ROBO2: variants seen among roughly 807,000 people sequenced by gnomAD.
The protein encoded by ROBO2 is roundabout homolog 2.
Under a neutral mutation model 160.8 loss-of-function variants are expected in ROBO2, and 53 were observed. That is an observed-to-expected ratio of 0.33 (90% confidence interval 0.26 to 0.41). ROBO2 has a LOEUF of 0.41. ROBO2 is among the 10% of genes least tolerant of loss of function. ROBO2 has a pLI of 1.00. For synonymous variants in ROBO2, 664 were observed against 611.7 expected, an observed-to-expected ratio of 1.09 and a Z score of -1.26; for missense variants, 1,577 against 1,722.4, an observed-to-expected ratio of 0.92 and a Z score of 1.49.
rs1210263724 is a variant in ROBO2, at chr3:77,277,173, T to TTTCTTTC, written c.388+178836_388+178842dup. On this transcript the variant is annotated intron_variant, in intron 2 of 25. Transcript: ENST00000461745. ...CCTTCTTTCCTTCTTTCTTTCTTTC[T>TTTCTTTC]TTCTTTCTTTCTTTCTTTCTTTCTT... Among the ~76,000 whole-genome samples, 373 of 96,936 alleles carry TTTCTTTC rather than the reference T, an allele frequency of 3.8e-3. 2 individuals are homozygous for TTTCTTTC. Among genetic ancestry groups the TTTCTTTC allele is most frequent in the African/African-American group, 0.014 (279 of 20,642 alleles). 63.6% of individuals were successfully genotyped at this position (96,936 alleles called of 152,430 possible).
chr3:76,434,871 G>T, intron 2 of ROBO2: 3 of 1,585,870 alleles, frequency 1.9e-6, no homozygotes, highest in Admixed American at 3.3e-5. Flanking sequence ...GGCTCAGAGT[G>T]GTCCAGTATG....
intron 2 of ROBO2, among the ~76,000 whole-genome samples, chr3:77,144,501 A>T (rs528710934): frequency 5.0e-4 from 76 of 152,240 alleles, no homozygotes; most frequent in Non-Finnish European, 8.7e-4. Flanking sequence ...TTAAAATAAT[A>T]CATTTTGATT....
chr3:77,051,216 G>T (rs1171602672), intron 1 of ROBO2, among the ~76,000 whole-genome samples: 3 of 152,056 alleles, frequency 2.0e-5, no homozygotes, highest in Non-Finnish European at 4.4e-5. Context: ...CCACCTTTCT[G>T]ATTTGAAAGC....
chr3:76,667,533 C>G (rs2092096496), intron 2 of ROBO2, among the ~76,000 whole-genome samples: 1 of 151,686 alleles, frequency 6.6e-6, no homozygotes, highest in Non-Finnish European at 1.5e-5. Flanking sequence ...TAATAGACCT[C>G]AATCTAAAAT....
rs1346591355 is a variant in ROBO2 at position 75,918,326 on chromosome 3, T to C, written c.-14+11366T>C. ...CATTGCTTGCTTTTGTCAGGTTTGT[T>C]GAAGATCAGATGGTTGTAGCTGTGT... On this transcript the variant is annotated intron_variant, in intron 1 of 26. Transcript: ENST00000487694. Among the ~76,000 whole-genome samples the C allele has an allele frequency of 5.3e-5, 8 of 152,200 alleles. No homozygotes were observed. The South Asian group carries it at 8.3e-4, about 16-fold the overall frequency.
chr3:76,905,500 T>C (rs545944250), intron 2 of ROBO2, among the ~76,000 whole-genome samples: 4 of 152,270 alleles, frequency 2.6e-5, no homozygotes, highest in African/African-American at 9.6e-5. Context: ...TTAGTCCAAA[T>C]AATAAAGTCT....
chr3:76,224,297 G>A (rs1704151236), intron 2 of ROBO2, among the ~76,000 whole-genome samples: 2 of 152,172 alleles, frequency 1.3e-5, no homozygotes, highest in African/African-American at 4.8e-5. Flanking sequence ...TGAAAACCGA[G>A]AGAGTTAATG....
At chr3:76,199,245 A>G (rs1052893435) in intron 2 of ROBO2, among the ~76,000 whole-genome samples, 13 of 152,136 alleles carry the variant, frequency 8.5e-5, no homozygotes, top group Non-Finnish European at 1.6e-4. Context: ...AGAGAAAGCC[A>G]CCTTGGCTGG....
At chr3:76,064,366 C>A (rs1266131349) in intron 2 of ROBO2, among the ~76,000 whole-genome samples, 1 of 152,062 alleles carries the variant, frequency 6.6e-6, no homozygotes, top group Non-Finnish European at 1.5e-5. Context: ...AATCCTCTGG[C>A]CTCTCCCATT....
chr3:77,282,151 T>TC (rs1271851211), intron 2 of ROBO2, among the ~76,000 whole-genome samples: 1 of 151,554 alleles, frequency 6.6e-6, no homozygotes, highest in Non-Finnish European at 1.5e-5. Context: ...AATCAACCAT[T>TC]TTTTTCTAAA....
At chr3:77,005,687 A>T (rs142146710) in intron 2 of ROBO2, among the ~76,000 whole-genome samples, 2 of 152,352 alleles carry the variant, frequency 1.3e-5, no homozygotes, top group African/African-American at 4.8e-5. Context: ...TGGATTGGCC[A>T]GTTGAGTTGA....
At chr3:76,266,909 T>A (rs927303432) in intron 2 of ROBO2, among the ~76,000 whole-genome samples, 1 of 152,182 alleles carries the variant, frequency 6.6e-6, no homozygotes, top group Non-Finnish European at 1.5e-5. Context: ...TAAGTGACTC[T>A]AATCCTTAGG....
intron 1 of ROBO2, among the ~76,000 whole-genome samples, chr3:77,079,354 C>A (rs1029390719): frequency 1.7e-4 from 26 of 152,184 alleles, no homozygotes; most frequent in African/African-American, 6.3e-4. Context: ...TTACAGGTAT[C>A]CTTCATTCCA....
intron 2 of ROBO2, among the ~76,000 whole-genome samples, chr3:76,705,486 C>G (rs562185248): frequency 6.5e-4 from 99 of 152,118 alleles, no homozygotes; most frequent in African/African-American, 2.3e-3. Flanking sequence ...TGAGCAGCAT[C>G]CAATGATGCA....
At chr3:77,538,803 A>G (rs1582806210) in intron 6 of ROBO2, 1 of 446,320 alleles carries the variant, frequency 2.2e-6, no homozygotes, top group South Asian at 1.6e-5. Context: ...TTGAGTAAAC[A>G]TTTATCTCTT....
chr3:77,376,154 C>CTATTT (rs372828965), intron 2 of ROBO2, among the ~76,000 whole-genome samples: 8 of 115,546 alleles, frequency 6.9e-5, no homozygotes, highest in African/African-American at 2.7e-4. Flanking sequence ...ATTTAACTTT[C>CTATTT]TTTTTTTTTT....
rs117601309 is a variant in ROBO2 at position 76,366,670 on chromosome 3, G to A, written c.109+429068G>A. ...TTGAAATTCAAGATATTTCTTTACT[G>A]TGTAGAAAGCACATATTATGAAAAG... is the stretch of plus-strand genomic sequence containing the variant. On this transcript the variant is annotated intron_variant, in intron 2 of 26. Transcript: ENST00000487694. Among the ~76,000 whole-genome samples, 556 of 151,988 alleles carry A rather than the reference G, an allele frequency of 3.7e-3. 6 individuals are homozygous for A. Among genetic ancestry groups the A allele is most frequent in the Admixed American group, 0.024 (373 of 15,236 alleles).
At chr3:76,246,028 G>A (rs1215526359) in intron 2 of ROBO2, among the ~76,000 whole-genome samples, 1 of 152,056 alleles carries the variant, frequency 6.6e-6, no homozygotes, top group Non-Finnish European at 1.5e-5. Context: ...TGTTTTCCAT[G>A]TGTGTTATGT....
At chr3:76,044,945 C>T (rs573915123) in intron 2 of ROBO2, among the ~76,000 whole-genome samples, 30 of 152,080 alleles carry the variant, frequency 2.0e-4, no homozygotes, top group Admixed American at 7.8e-4. Context: ...TGAAAAATTC[C>T]TAAGCTGTTT....
Sources: gnomAD v4.1 joint callset for allele counts (sites outside exome capture counted in the v4.1 genomes callset) on GRCh38, gnomAD v4.1.1 for gene constraint, MANE v1.5 for transcripts, NCBI Gene and HGNC (gene_info 2026-07-23, HGNC 2026-07-21) for gene names.